EPHA5: variants seen among roughly 807,000 people sequenced by gnomAD.
EPHA5 encodes ephrin type-A receptor 5.
A neutral mutation model predicts 105.0 loss-of-function variants in EPHA5; 60 were observed. That is an observed-to-expected ratio of 0.57 (90% CI 0.46 to 0.71). The LOEUF (loss-of-function observed/expected upper bound fraction) is 0.71. Ranked by LOEUF, EPHA5 falls within the 30% of genes least tolerant of loss-of-function variation. The pLI is 0.00. For synonymous variants in EPHA5, 513 were observed against 449.1 expected, an observed-to-expected ratio of 1.14 and a Z score of -1.80; for missense variants, 1,218 against 1,274.7, an observed-to-expected ratio of 0.96 and a Z score of 0.68.
chr4:65,600,971 A>T (rs2149435313), intron 3 of EPHA5, among the ~76,000 whole-genome samples: 1 of 152,252 alleles, frequency 6.6e-6, no homozygotes, highest in East Asian at 1.9e-4. Context: ...CAGAAAAAAA[A>T]ATCCCCCAGG....
intron 3 of EPHA5, among the ~76,000 whole-genome samples, chr4:65,532,671 G>GTT (rs5858965): frequency 1.7e-4 from 18 of 107,670 alleles, no homozygotes; most frequent in African/African-American, 4.5e-4. Context: ...ATTGGTTACA[G>GTT]TTTTTTTTTT....
At chr4:65,411,329 C>T (rs1435453308) in intron 7 of EPHA5, among the ~76,000 whole-genome samples, 5 of 151,796 alleles carry the variant, frequency 3.3e-5, no homozygotes, top group Non-Finnish European at 5.9e-5. Flanking sequence ...AAAATAAAAG[C>T]ACTCATAACA....
intron 8 of EPHA5, among the ~76,000 whole-genome samples, chr4:65,398,195 C>T (rs1721442375): frequency 6.6e-6 from 1 of 152,210 alleles, no homozygotes; most frequent in African/African-American, 2.4e-5. Context: ...CCTCTCCCTG[C>T]TCCTGGTGCC....
At chr4:65,466,370 G>A (rs1163027010) in intron 5 of EPHA5, among the ~76,000 whole-genome samples, 1 of 152,234 alleles carries the variant, frequency 6.6e-6, no homozygotes, top group Non-Finnish European at 1.5e-5. Flanking sequence ...GAGTGAGTGA[G>A]AAAGCATTGG....
intron 8 of EPHA5, among the ~76,000 whole-genome samples, chr4:65,401,320 A>G (rs1328161528): frequency 6.6e-6 from 1 of 152,094 alleles, no homozygotes; most frequent in Non-Finnish European, 1.5e-5. Context: ...AATGGGTCCA[A>G]ATAAAAATTA....
chr4:65,576,851 T>C (rs1028813070), intron 3 of EPHA5, among the ~76,000 whole-genome samples: 7 of 152,200 alleles, frequency 4.6e-5, no homozygotes, highest in Non-Finnish European at 5.9e-5. Context: ...TCATTTGAAG[T>C]AGCACTACTG....
chr4:65,659,330 A>G (rs1749346652), intron 1 of EPHA5, among the ~76,000 whole-genome samples: 2 of 14,240 alleles, frequency 1.4e-4, no homozygotes, highest in Non-Finnish European at 3.6e-4. Context: ...AAAAAAAAAA[A>G]AAAAAAAAAA....
At chr4:65,470,270 G>A (rs1184304562) in intron 5 of EPHA5, among the ~76,000 whole-genome samples, 1 of 150,634 alleles carries the variant, frequency 6.6e-6, no homozygotes, top group Non-Finnish European at 1.5e-5. Flanking sequence ...TTGGCTCACT[G>A]CAACCTCTGC....
Position 65,651,781 on chromosome 4 carries a change from G to A in EPHA5, c.182-8354C>T, listed in dbSNP as rs142953248. On this transcript the variant is annotated intron_variant, in intron 1 of 16. Transcript: ENST00000613740. ...CTATGATGGAAGCAAAAATCAATCC[G>A]AAATGTATACCAAGTGTTTTGAATT... 2.4e-4 allele frequency among the ~76,000 whole-genome samples: 36 copies of A among 152,150 alleles called. No homozygotes were observed. In the East Asian group the frequency reaches 3.7e-3, roughly 16 times the overall value.
chr4:65,582,515 ACT>A, intron 3 of EPHA5, among the ~76,000 whole-genome samples: 1 of 151,316 alleles, frequency 6.6e-6, no homozygotes, highest in South Asian at 2.1e-4. Flanking sequence ...TCCTTTTCTT[ACT>A]CTATGAAAAA....
intron 1 of EPHA5, among the ~76,000 whole-genome samples, chr4:65,652,480 A>G (rs1313675010): frequency 6.6e-6 from 1 of 152,100 alleles, no homozygotes; most frequent in African/African-American, 2.4e-5. Flanking sequence ...GAGGAAATGG[A>G]AGTTGAAAAA....
intron 8 of EPHA5, among the ~76,000 whole-genome samples, chr4:65,397,227 G>T (rs760967790): frequency 6.6e-6 from 1 of 152,104 alleles, no homozygotes; most frequent in Non-Finnish European, 1.5e-5. Flanking sequence ...GAAGTCAAAG[G>T]GAGAAAGGTG....
chr4:65,564,144 T>C (rs1359057747), intron 3 of EPHA5, among the ~76,000 whole-genome samples: 2 of 151,960 alleles, frequency 1.3e-5, no homozygotes, highest in African/African-American at 4.8e-5. Context: ...TCACCCTGTA[T>C]TTCTGTATCA....
intron 5 of EPHA5, among the ~76,000 whole-genome samples, chr4:65,489,384 A>T (rs892164938): frequency 1.3e-5 from 2 of 152,174 alleles, no homozygotes; most frequent in Non-Finnish European, 2.9e-5. Context: ...TCAGTCAAAC[A>T]TGTCCTATTT....
At chr4:65,591,921 T>TA (rs1292924028) in intron 3 of EPHA5, among the ~76,000 whole-genome samples, 1 of 152,136 alleles carries the variant, frequency 6.6e-6, no homozygotes, top group Non-Finnish European at 1.5e-5. Context: ...TTTAAAAACA[T>TA]AAAAATTCTT....
chr4:65,445,915 C>T (rs1726474474), intron 5 of EPHA5, among the ~76,000 whole-genome samples: 1 of 152,080 alleles, frequency 6.6e-6, no homozygotes, highest in Non-Finnish European at 1.5e-5. Flanking sequence ...TGAGTTCATT[C>T]TGAAATTGAA....
At chr4:65,615,419 G>C (rs148618828) in intron 2 of EPHA5, among the ~76,000 whole-genome samples, 1 of 151,802 alleles carries the variant, frequency 6.6e-6, no homozygotes, top group African/African-American at 2.4e-5. Context: ...ACTCAGTAGA[G>C]AGGAACAAGA....
intron 5 of EPHA5, among the ~76,000 whole-genome samples, chr4:65,437,371 T>C (rs1022155403): frequency 6.6e-6 from 1 of 152,062 alleles, no homozygotes; most frequent in Non-Finnish European, 1.5e-5. Context: ...CAAATAGGCC[T>C]TAATGGTGTC....
chr4:65,470,328 A>G (rs1054441208), intron 5 of EPHA5, among the ~76,000 whole-genome samples: 8 of 151,748 alleles, frequency 5.3e-5, no homozygotes, highest in African/African-American at 1.9e-4. Context: ...AGTAGCTGGG[A>G]TTACAGGTGT....
Sources: gnomAD v4.1 joint callset for allele counts (sites outside exome capture counted in the v4.1 genomes callset) on GRCh38, gnomAD v4.1.1 for gene constraint, MANE v1.5 for transcripts, NCBI Gene and HGNC (gene_info 2026-07-23, HGNC 2026-07-21) for gene names.